The following SLC35F1 variants were observed in gnomAD, a reference collection of about 807,000 sequenced individuals.
SLC35F1 encodes chromosome 6 open reading frame 169.
Under a neutral mutation model 48.7 loss-of-function variants are expected in SLC35F1, and 14 were observed. The observed-to-expected ratio is 0.29, with a 90% CI of 0.19 to 0.45. The LOEUF is 0.45. Among genes scored for constraint, SLC35F1 ranks in the 20% least tolerant of loss-of-function variants. The probability of loss-of-function intolerance (pLI) is 1.00; values close to 1 mark genes in which losing one functional copy is unlikely to be tolerated. For synonymous variants in SLC35F1, 190 were observed against 202.2 expected, an observed-to-expected ratio of 0.94 and a Z score of 0.51; for missense variants, 404 against 500.0, an observed-to-expected ratio of 0.81 and a Z score of 1.83.
intron 1 of SLC35F1, among the ~76,000 whole-genome samples, chr6:118,096,997 G>T (rs1012478409): frequency 1.3e-5 from 2 of 152,034 alleles, no homozygotes; most frequent in South Asian, 4.1e-4. Context: ...CTCCATTCAG[G>T]ATCTCAGAAG....
intron 1 of SLC35F1, among the ~76,000 whole-genome samples, chr6:118,055,771 G>T (rs1319048813): frequency 6.6e-6 from 1 of 152,218 alleles, no homozygotes; most frequent in African/African-American, 2.4e-5. Flanking sequence ...CAAGGAAGAA[G>T]TAGACAGGAG....
At chr6:117,970,781 C>T (rs1006832409) in intron 1 of SLC35F1, among the ~76,000 whole-genome samples, 1 of 152,160 alleles carries the variant, frequency 6.6e-6, no homozygotes, top group Admixed American at 6.5e-5. Flanking sequence ...GACTTATTCA[C>T]TGTCACAAGA....
At chr6:117,998,958 C>T (rs942114243) in intron 1 of SLC35F1, 78 of 948,808 alleles carry the variant, frequency 8.2e-5, no homozygotes, top group South Asian at 2.7e-4. Flanking sequence ...TCGGGAGCCG[C>T]GGCTTATGGT....
intron 1 of SLC35F1, among the ~76,000 whole-genome samples, chr6:118,089,484 C>A (rs1273378596): frequency 2.0e-5 from 3 of 152,206 alleles, no homozygotes; most frequent in Non-Finnish European, 4.4e-5. Context: ...CCTACCATAA[C>A]ATAATACTAT....
intron 1 of SLC35F1, among the ~76,000 whole-genome samples, chr6:118,049,000 T>C (rs1772342881): frequency 6.6e-6 from 1 of 152,134 alleles, no homozygotes; most frequent in Non-Finnish European, 1.5e-5. Context: ...AGCATAGTAC[T>C]GGTACCAAAA....
At chr6:118,275,951 A>G (rs1307444109) in intron 5 of SLC35F1, among the ~76,000 whole-genome samples, 1 of 152,210 alleles carries the variant, frequency 6.6e-6, no homozygotes, top group Admixed American at 6.5e-5. Context: ...CCCCAATTCA[A>G]TGCATTTCCA....
chr6:118,076,582 G>A (rs902294854), intron 1 of SLC35F1, among the ~76,000 whole-genome samples: 3 of 152,084 alleles, frequency 2.0e-5, no homozygotes, highest in Admixed American at 1.3e-4. Context: ...GATCCCATGA[G>A]AACTCTATCA....
At chr6:118,073,911 A>T (rs1772779932) in intron 1 of SLC35F1, among the ~76,000 whole-genome samples, 1 of 152,224 alleles carries the variant, frequency 6.6e-6, no homozygotes, top group African/African-American at 2.4e-5. Context: ...AATTTATCGT[A>T]TCAAGATTTA....
chr6:117,955,422 C>T (rs1300889620), intron 1 of SLC35F1, among the ~76,000 whole-genome samples: 2 of 152,200 alleles, frequency 1.3e-5, no homozygotes, highest in Non-Finnish European at 2.9e-5. Flanking sequence ...TCAAGACTGT[C>T]TAGCCTGTGG....
intron 2 of SLC35F1, among the ~76,000 whole-genome samples, chr6:118,208,059 C>CCTCT (rs376210173): frequency 6.7e-6 from 1 of 149,156 alleles, no homozygotes; most frequent in African/African-American, 2.4e-5. Context: ...GAGCCCCCCT[C>CCTCT]CTCTCTCTCT....
intron 1 of SLC35F1, among the ~76,000 whole-genome samples, chr6:117,986,245 T>A (rs1776846526): frequency 6.6e-6 from 1 of 152,214 alleles, no homozygotes; most frequent in African/African-American, 2.4e-5. Context: ...CAATGAGCTG[T>A]GGCCAGGGAT....
intron 2 of SLC35F1, among the ~76,000 whole-genome samples, chr6:118,162,471 A>G (rs80251948): frequency 0.019 from 2,954 of 152,284 alleles, 100 homozygotes; most frequent in African/African-American, 0.063. Context: ...GACTATATAC[A>G]TTTGTTGAAA....
intron 1 of SLC35F1, among the ~76,000 whole-genome samples, chr6:118,059,956 T>C (rs7758509): frequency 0.25 from 38,630 of 152,010 alleles, 5,099 homozygotes; most frequent in East Asian, 0.36. Flanking sequence ...TTTAGGGCTT[T>C]GTATTAGAAA....
intron 1 of SLC35F1, among the ~76,000 whole-genome samples, chr6:118,105,875 T>C (rs1034783208): frequency 6.6e-6 from 1 of 152,182 alleles, no homozygotes; most frequent in African/African-American, 2.4e-5. Context: ...TCAAAGTAGA[T>C]AGTATGATGA....
chr6:117,923,076 G>A (rs1775920906), intron 1 of SLC35F1, among the ~76,000 whole-genome samples: 2 of 152,136 alleles, frequency 1.3e-5, no homozygotes, highest in African/African-American at 2.4e-5. Flanking sequence ...GAATATATCT[G>A]TGCAACAGCT....
rs182989927 is a variant in SLC35F1 at position 117,966,193 on chromosome 6, A to G, written c.173+58294A>G. Among the ~76,000 whole-genome samples the G allele has an allele frequency of 3.0e-3, 395 of 131,298 alleles. 1 individual carries two copies. The highest frequency in any genetic ancestry group is 0.011 in the African/African-American group (380 of 34,614). 86.1% of individuals were successfully genotyped at this position (131,298 alleles called of 152,430 possible). ...CGGTACCCTGCTGGGGTCCCTGTCC[A>G]TGCTGTGGAAGCTTTGTTCTTTCGC... is the stretch of plus-strand genomic sequence containing the variant. On this transcript the variant is annotated intron_variant, in intron 1 of 7. Transcript: ENST00000360388.
chr6:117,994,912 G>A (rs781539282), intron 1 of SLC35F1, among the ~76,000 whole-genome samples: 3 of 152,090 alleles, frequency 2.0e-5, no homozygotes, highest in Non-Finnish European at 4.4e-5. Context: ...AATTTAAAAT[G>A]TTATTGCGAA....
chr6:118,244,232 G>T (rs1171490997), intron 3 of SLC35F1, among the ~76,000 whole-genome samples: 3 of 152,242 alleles, frequency 2.0e-5, no homozygotes, highest in Admixed American at 1.3e-4. Context: ...AGAAGGTGAT[G>T]CAGGACAGGT....
intron 2 of SLC35F1, 99 bp from the exon 3 acceptor site, chr6:118,235,410 T>TA: frequency 8.7e-7 from 1 of 1,153,080 alleles, no homozygotes; most frequent in Non-Finnish European, 1.2e-6. Context: ...AACTTTAGGT[T>TA]AAAAATATAT....
Sources: allele counts gnomAD v4.1 joint callset (sites outside exome capture counted in the v4.1 genomes callset), GRCh38; gene constraint gnomAD v4.1.1; transcripts MANE v1.5; gene names NCBI Gene and HGNC (gene_info 2026-07-23, HGNC 2026-07-21).